The following HEMK2 variants were observed in gnomAD, a reference collection of about 807,000 sequenced individuals.
HEMK2 encodes HemK methyltransferase 2, ETF1 glutamine and histone H4 lysine.
chr21:28,597,474 G>A, the HEMK2 span, among the ~76,000 whole-genome samples: 1 of 152,176 alleles, frequency 6.6e-6, no homozygotes, highest in African/African-American at 2.4e-5. Flanking sequence ...AGTGATTCAG[G>A]GAAGTGATCA....
chr21:28,829,194 T>C, the HEMK2 span, among the ~76,000 whole-genome samples: 1 of 152,200 alleles, frequency 6.6e-6, no homozygotes, highest in Non-Finnish European at 1.5e-5. Context: ...ACAAGTGAAA[T>C]TGCTAATTAC....
At chr21:28,746,236 C>T in the HEMK2 span, among the ~76,000 whole-genome samples, 3 of 152,130 alleles carry the variant, frequency 2.0e-5, no homozygotes. Flanking sequence ...TTTTCTGTGG[C>T]AGGCAGTATT....
the HEMK2 span, among the ~76,000 whole-genome samples, chr21:28,846,578 T>G: frequency 6.6e-6 from 1 of 152,192 alleles, no homozygotes; most frequent in African/African-American, 2.4e-5. Flanking sequence ...TTCATATGTT[T>G]GTTGGCCACA....
the HEMK2 span, among the ~76,000 whole-genome samples, chr21:28,811,363 GAGGA>G: frequency 7.0e-6 from 1 of 142,910 alleles, no homozygotes; most frequent in African/African-American, 2.6e-5. Flanking sequence ...GGAAGGGAGG[GAGGA>G]AGGAAGGAAA....
the HEMK2 span, among the ~76,000 whole-genome samples, chr21:28,757,853 G>C: frequency 6.6e-6 from 1 of 152,128 alleles, no homozygotes; most frequent in Non-Finnish European, 1.5e-5. Flanking sequence ...CTTTTCCTGG[G>C]TATAAGAGAC....
chr21:28,646,035 G>A, the HEMK2 span, among the ~76,000 whole-genome samples: 32,921 of 152,078 alleles, frequency 0.22, 3,938 homozygotes, highest in East Asian at 0.38. Context: ...TTTAATTCAT[G>A]TTAAAGCTGA....
chr21:28,871,713 G>A, the HEMK2 span, among the ~76,000 whole-genome samples: 1 of 152,154 alleles, frequency 6.6e-6, no homozygotes, highest in African/African-American at 2.4e-5. Flanking sequence ...TTCTCTCACA[G>A]TTCTTGAGGC....
At chr21:28,770,136 G>A in the HEMK2 span, among the ~76,000 whole-genome samples, 2 of 152,126 alleles carry the variant, frequency 1.3e-5, no homozygotes, top group African/African-American at 2.4e-5. Flanking sequence ...GAATTTGTAA[G>A]TTGTATTTTC....
chr21:28,709,389 T>C, the HEMK2 span, among the ~76,000 whole-genome samples: 1 of 151,810 alleles, frequency 6.6e-6, no homozygotes, highest in Non-Finnish European at 1.5e-5. Context: ...TATAAGTAGA[T>C]TCAGGAAGGG....
chr21:28,841,368 A>ATACTATTATATATAATATAT, the HEMK2 span, among the ~76,000 whole-genome samples: 9 of 27,124 alleles, frequency 3.3e-4, 1 homozygote, highest in African/African-American at 3.0e-3. Context: ...TATATTATAT[A>ATACTATTATATATAATATAT]AAATATTATA....
chr21:28,828,502 C>A, the HEMK2 span, among the ~76,000 whole-genome samples: 1 of 151,962 alleles, frequency 6.6e-6, no homozygotes, highest in African/African-American at 2.4e-5. Context: ...GCACCAGTTC[C>A]GAACAACACA....
chr21:28,709,922 T>C, the HEMK2 span, among the ~76,000 whole-genome samples: 2 of 152,178 alleles, frequency 1.3e-5, no homozygotes, highest in Admixed American at 6.6e-5. Flanking sequence ...TTAGGTTACT[T>C]TGAAGCTAAT....
At chr21:28,782,800 TGAA>T in the HEMK2 span, among the ~76,000 whole-genome samples, 1 of 152,262 alleles carries the variant, frequency 6.6e-6, no homozygotes, top group African/African-American at 2.4e-5. Context: ...TAAAAGCCAT[TGAA>T]TTGTACACTT....
the HEMK2 span, chr21:28,577,464 T>C: frequency 6.6e-6 from 1 of 152,220 alleles, no homozygotes; most frequent in East Asian, 1.9e-4. Context: ...TGTATTTTGA[T>C]ATAAGTTTTC....
At chr21:28,622,989 C>T in the HEMK2 span, among the ~76,000 whole-genome samples, 3 of 152,006 alleles carry the variant, frequency 2.0e-5, no homozygotes, top group Non-Finnish European at 4.4e-5. Context: ...CAAATGGGAT[C>T]GAATGAAACT....
the HEMK2 span, among the ~76,000 whole-genome samples, chr21:28,647,321 T>TAAAAAAAAAAAAAA: frequency 1.1e-4 from 5 of 46,420 alleles, no homozygotes; most frequent in Non-Finnish European, 1.5e-4. Context: ...CCATCTCTAC[T>TAAAAAAAAAAAAAA]AAAAAAAAAA....
chr21:28,679,150 A>G, the HEMK2 span, among the ~76,000 whole-genome samples: 1 of 152,206 alleles, frequency 6.6e-6, no homozygotes, highest in Admixed American at 6.5e-5. Context: ...CAGGAAACCC[A>G]TCTCACATGC....
At chr21:28,606,331 TA>T in the HEMK2 span, among the ~76,000 whole-genome samples, 1 of 152,210 alleles carries the variant, frequency 6.6e-6, no homozygotes, top group Non-Finnish European at 1.5e-5. Flanking sequence ...TCATTACAAC[TA>T]AAACAGTGTT....
the HEMK2 span, among the ~76,000 whole-genome samples, chr21:28,807,449 G>C: frequency 1.3e-5 from 2 of 152,278 alleles, no homozygotes; most frequent in Non-Finnish European, 2.9e-5. Flanking sequence ...ATTGCCCTCA[G>C]AATCAACATC....
Sources: allele counts gnomAD v4.1 joint callset (sites outside exome capture counted in the v4.1 genomes callset), GRCh38; gene constraint gnomAD v4.1.1; transcripts MANE v1.5; gene names NCBI Gene and HGNC (gene_info 2026-07-23, HGNC 2026-07-21).